KCNQ5: variants seen among roughly 807,000 people sequenced by gnomAD.
KCNQ5 encodes potassium voltage-gated channel subfamily KQT member 5.
Under a neutral mutation model 98.2 loss-of-function variants are expected in KCNQ5, and 30 were observed. The observed-to-expected ratio is 0.31, with a 90% CI of 0.23 to 0.41. The LOEUF (loss-of-function observed/expected upper bound fraction) is 0.41. Among genes scored for constraint, KCNQ5 ranks in the 10% least tolerant of loss-of-function variants. The pLI, the probability that KCNQ5 is intolerant of heterozygous loss-of-function variation, is 1.00. For missense variants in KCNQ5, 835 were observed against 1,182.5 expected (o/e 0.71, Z 4.31); for synonymous variants, 458 against 449.4 (o/e 1.02, Z -0.24).
At chr6:73,154,122 G>A (rs914173475) in intron 10 of KCNQ5, among the ~76,000 whole-genome samples, 4 of 151,380 alleles carry the variant, frequency 2.6e-5, no homozygotes, top group Non-Finnish European at 5.9e-5. Context: ...TTCAAATATT[G>A]TATCATTTCT....
chr6:72,729,643 A>G (rs1398923266), intron 1 of KCNQ5, among the ~76,000 whole-genome samples: 4 of 152,196 alleles, frequency 2.6e-5, no homozygotes, highest in African/African-American at 9.7e-5. Context: ...ACTTACTCCC[A>G]CCAATAATAT....
chr6:72,785,027 G>A (rs1410854691), intron 1 of KCNQ5, among the ~76,000 whole-genome samples: 1 of 152,142 alleles, frequency 6.6e-6, no homozygotes, highest in East Asian at 1.9e-4. Context: ...GCAGCCAGAG[G>A]CAGCAACATC....
intron 1 of KCNQ5, among the ~76,000 whole-genome samples, chr6:72,710,858 C>T (rs1175699323): frequency 1.3e-5 from 2 of 152,104 alleles, no homozygotes; most frequent in Admixed American, 1.3e-4. Context: ...CAGACATATA[C>T]AGAACATTCT....
intron 1 of KCNQ5, among the ~76,000 whole-genome samples, chr6:72,702,203 CAG>C (rs1217494691): frequency 1.2e-4 from 18 of 152,198 alleles, no homozygotes; most frequent in African/African-American, 3.6e-4. Flanking sequence ...AATACCCTTC[CAG>C]AATAAATTAA....
In KCNQ5 at chr6:72,765,476, A is replaced by G. The variant is rs562682565; in HGVS notation, c.398+142889A>G. Among the ~76,000 whole-genome samples the G allele has an allele frequency of 9.2e-5, 14 of 152,228 alleles. No individual in the cohort carries two copies. In the South Asian group the frequency reaches 2.9e-3, roughly 32 times the overall value. On this transcript the variant is annotated intron_variant, in intron 1 of 13. Coordinates refer to ENST00000370398, the MANE Select transcript of KCNQ5 (RefSeq NM_019842.4). ...TCAGGAAAGTCCATGGTGATATTTA[A>G]GCAGAAGTCTTAATGATCAAAAATA...
chr6:72,866,719 A>G (rs1254166571), intron 1 of KCNQ5, among the ~76,000 whole-genome samples: 1 of 152,188 alleles, frequency 6.6e-6, no homozygotes, highest in Non-Finnish European at 1.5e-5. Context: ...ATACATCCAC[A>G]TCAACAATTA....
chr6:72,939,039 T>C (rs1026433933), intron 1 of KCNQ5, among the ~76,000 whole-genome samples: 8 of 152,218 alleles, frequency 5.3e-5, no homozygotes, highest in Non-Finnish European at 1.2e-4. Flanking sequence ...ACACTTGTCA[T>C]ATATGAGACT....
chr6:72,884,783 A>T (rs1778787334), intron 1 of KCNQ5, among the ~76,000 whole-genome samples: 1 of 151,844 alleles, frequency 6.6e-6, no homozygotes, highest in Non-Finnish European at 1.5e-5. Context: ...TTTTTGCCTA[A>T]TTTTTTGTAT....
intron 1 of KCNQ5, among the ~76,000 whole-genome samples, chr6:72,732,423 T>A (rs1331272813): frequency 6.6e-6 from 1 of 152,118 alleles, no homozygotes; most frequent in African/African-American, 2.4e-5. Context: ...ATAGAATTAG[T>A]TAGCTAAAGA....
intron 1 of KCNQ5, among the ~76,000 whole-genome samples, chr6:72,824,944 C>A (rs867357367): frequency 6.6e-6 from 1 of 152,044 alleles, no homozygotes; most frequent in Admixed American, 6.6e-5. Context: ...ACCTTTATAG[C>A]CCTTCTCTCC....
At chr6:73,075,607 CT>C (rs1773505002) in intron 3 of KCNQ5, among the ~76,000 whole-genome samples, 1 of 152,158 alleles carries the variant, frequency 6.6e-6, no homozygotes, top group African/African-American at 2.4e-5. Context: ...TGCAACTGGC[CT>C]TTATTCACTT....
At chr6:72,987,501 A>T in intron 1 of KCNQ5, 1 of 663,592 alleles carries the variant, frequency 1.5e-6, no homozygotes, top group East Asian at 3.4e-5. Flanking sequence ...TGGCTTCAAA[A>T]ACCTGTCCCC....
intron 1 of KCNQ5, among the ~76,000 whole-genome samples, chr6:72,855,656 C>T (rs549069201): frequency 6.6e-6 from 1 of 152,024 alleles, no homozygotes; most frequent in East Asian, 1.9e-4. Flanking sequence ...TAATATTAGA[C>T]TTGGGGGAGA....
At chr6:72,867,871 A>G (rs959522188) in intron 1 of KCNQ5, among the ~76,000 whole-genome samples, 136 of 151,848 alleles carry the variant, frequency 9.0e-4, no homozygotes, top group African/African-American at 3.0e-3. Context: ...AACACACAAG[A>G]CTTCAGAGAG....
intron 10 of KCNQ5, among the ~76,000 whole-genome samples, chr6:73,158,358 C>T (rs1315342256): frequency 6.6e-6 from 1 of 151,682 alleles, no homozygotes; most frequent in Non-Finnish European, 1.5e-5. Context: ...CCTCCGCCTC[C>T]CGGGTTCGAA....
chr6:72,723,581 A>G (rs1770089208), intron 1 of KCNQ5, among the ~76,000 whole-genome samples: 1 of 152,188 alleles, frequency 6.6e-6, no homozygotes, highest in Non-Finnish European at 1.5e-5. Flanking sequence ...GAATGTATGC[A>G]AGAAACACAT....
intron 1 of KCNQ5, among the ~76,000 whole-genome samples, chr6:72,739,486 C>T (rs1343243415): frequency 6.6e-6 from 1 of 152,184 alleles, no homozygotes; most frequent in Non-Finnish European, 1.5e-5. Context: ...TTTGGTTTTA[C>T]TCTGCTTCAT....
intron 1 of KCNQ5, among the ~76,000 whole-genome samples, chr6:72,820,950 G>T (rs1775725045): frequency 6.6e-6 from 1 of 152,190 alleles, no homozygotes; most frequent in South Asian, 2.1e-4. Flanking sequence ...CTGGAGTTTG[G>T]CTGGGCTTCT....
intron 1 of KCNQ5, among the ~76,000 whole-genome samples, chr6:72,666,642 T>C (rs1180038023): frequency 2.6e-5 from 4 of 152,174 alleles, no homozygotes; most frequent in Non-Finnish European, 5.9e-5. Flanking sequence ...CAAAATTTAC[T>C]CTAAAGTGAT....
Sources: allele counts gnomAD v4.1 joint callset (sites outside exome capture counted in the v4.1 genomes callset), GRCh38; gene constraint gnomAD v4.1.1; transcripts MANE v1.5; gene names NCBI Gene and HGNC (gene_info 2026-07-23, HGNC 2026-07-21).